The following LHFPL3 variants were observed in gnomAD, a reference collection of about 807,000 sequenced individuals.
LHFPL3 encodes the protein LHFPL tetraspan subfamily member 3.
In LHFPL3, 5 loss-of-function variants were observed where a neutral mutation model predicts 19.3. The ratio of observed to expected loss-of-function variants is 0.26; its 90% CI spans 0.14 to 0.54. LHFPL3 has a LOEUF of 0.54. Ranked by LOEUF, LHFPL3 falls within the 20% of genes least tolerant of loss-of-function variation. The probability of loss-of-function intolerance (pLI) is 0.94; values close to 1 mark genes in which losing one functional copy is unlikely to be tolerated. For missense variants in LHFPL3, 249 were observed against 307.4 expected, an observed-to-expected ratio of 0.81 and a Z score of 1.42; for synonymous variants, 133 against 126.2, an observed-to-expected ratio of 1.05 and a Z score of -0.36.
rs1374355355 is a variant in LHFPL3, at chr7:104,857,050, AT to A, written c.683-49135del. ...GCTGTATGCCAGGGTCTTTGCCTAT[AT>A]TATCTCATTTCACCCGCGTGATAAC... On this transcript the variant is annotated intron_variant, in intron 2 of 2. Transcript: ENST00000424859. Among the ~76,000 whole-genome samples the A allele has an allele frequency of 4.6e-5, 7 of 152,190 alleles. No individual in the cohort carries two copies. In the East Asian group the frequency reaches 1.3e-3, roughly 29 times the overall value.
intron 1 of LHFPL3, among the ~76,000 whole-genome samples, chr7:104,392,389 G>A: frequency 2.7e-5 from 4 of 150,542 alleles, no homozygotes; most frequent in Non-Finnish European, 3.0e-5. Context: ...AGAGTTTTTA[G>A]CATGAAGGGC....
At chr7:104,546,493 C>T (rs1794579985) in intron 1 of LHFPL3, among the ~76,000 whole-genome samples, 1 of 152,096 alleles carries the variant, frequency 6.6e-6, no homozygotes. Flanking sequence ...AAAAGACACT[C>T]AAAAGAAAGT....
chr7:104,444,492 A>G (rs544586769), intron 1 of LHFPL3, among the ~76,000 whole-genome samples: 2 of 152,330 alleles, frequency 1.3e-5, no homozygotes, highest in African/African-American at 2.4e-5. Flanking sequence ...AAAACTCTCC[A>G]TTGAAAGAGC....
rs530164478 is a variant in LHFPL3 at position 104,696,232 on chromosome 7, G to A, written c.446-40443G>A. ...CCCGGAGTGCTGGGTCTACAGGCGT[G>A]AGCCATTGCGCCCAGCCTGAATTCT... On this transcript the variant is annotated intron_variant, in intron 1 of 2. Coordinates refer to ENST00000424859, the MANE Select transcript of LHFPL3 (RefSeq NM_199000.3). Among the ~76,000 whole-genome samples the A allele has an allele frequency of 2.0e-5, 3 of 152,320 alleles. No homozygotes were observed. In the East Asian group the frequency reaches 5.8e-4, roughly 29 times the overall value.
chr7:104,871,707 G>A (rs1367597498), intron 2 of LHFPL3, among the ~76,000 whole-genome samples: 19 of 151,944 alleles, frequency 1.3e-4, no homozygotes, highest in Admixed American at 1.2e-3. Flanking sequence ...TGCCCAGGCT[G>A]GAGTGCAATG....
At chr7:104,567,833 G>A (rs1429040158) in intron 1 of LHFPL3, among the ~76,000 whole-genome samples, 2 of 152,140 alleles carry the variant, frequency 1.3e-5, no homozygotes, top group African/African-American at 4.8e-5. Context: ...CAGAACTAAT[G>A]GTCATGCCGC....
chr7:104,480,339 C>G (rs766556684), intron 1 of LHFPL3, among the ~76,000 whole-genome samples: 48 of 152,164 alleles, frequency 3.2e-4, no homozygotes, highest in Non-Finnish European at 6.6e-4. Flanking sequence ...CCCCGTCCCC[C>G]CACCGCCCAG....
chr7:104,581,978 C>A (rs1790470344), intron 1 of LHFPL3, among the ~76,000 whole-genome samples: 1 of 151,724 alleles, frequency 6.6e-6, no homozygotes. Flanking sequence ...TTTCATATAC[C>A]TTTAAAAATA....
Position 104,898,386 on chromosome 7 carries a change from A to T in LHFPL3, c.683-7801A>T, listed in dbSNP as rs1792409505. On this transcript the variant is annotated intron_variant, in intron 2 of 2. Coordinates refer to ENST00000424859, the MANE Select transcript of LHFPL3 (RefSeq NM_199000.3). ...ACACACAGTAACTAGTCCTCAAGTAAGAGGACTGGGCAGCACCATTTATTA... is the reference window on the plus strand; with the variant it reads ...ACACACAGTAACTAGTCCTCAAGTATGAGGACTGGGCAGCACCATTTATTA... Among the ~76,000 whole-genome samples, 5 of 152,296 alleles carry T rather than the reference A, an allele frequency of 3.3e-5. No homozygotes were observed. In the South Asian group the frequency reaches 1.0e-3, roughly 32 times the overall value.
intron 1 of LHFPL3, among the ~76,000 whole-genome samples, chr7:104,640,486 G>A (rs1170009375): frequency 6.6e-6 from 1 of 152,184 alleles, no homozygotes. Flanking sequence ...ATTCCATGGT[G>A]TATATGTGTC....
At chr7:104,607,094 C>T (rs536500686) in intron 1 of LHFPL3, among the ~76,000 whole-genome samples, 2 of 152,326 alleles carry the variant, frequency 1.3e-5, no homozygotes, top group African/African-American at 4.8e-5. Flanking sequence ...TACATCTTAG[C>T]GGAGTTCAGG....
intron 1 of LHFPL3, among the ~76,000 whole-genome samples, chr7:104,383,733 C>G (rs1790878760): frequency 6.6e-6 from 1 of 152,016 alleles, no homozygotes; most frequent in Non-Finnish European, 1.5e-5. Flanking sequence ...ATTGCTTATC[C>G]TTTTTTTAAA....
At chr7:104,570,921 A>G (rs1055779095) in intron 1 of LHFPL3, among the ~76,000 whole-genome samples, 3 of 152,144 alleles carry the variant, frequency 2.0e-5, no homozygotes, top group Admixed American at 6.6e-5. Flanking sequence ...CTGCTTTCCC[A>G]TCTAATAATC....
chr7:104,887,848 G>A (rs770401388), intron 2 of LHFPL3, among the ~76,000 whole-genome samples: 7 of 152,240 alleles, frequency 4.6e-5, no homozygotes, highest in African/African-American at 7.2e-5. Context: ...AATATGTTTA[G>A]AAGCAGGTCA....
intron 2 of LHFPL3, among the ~76,000 whole-genome samples, chr7:104,896,258 G>C (rs1419261298): frequency 6.6e-6 from 1 of 152,214 alleles, no homozygotes; most frequent in Non-Finnish European, 1.5e-5. Flanking sequence ...TTGTTGAGCA[G>C]CAACTATGTG....
At chr7:104,533,135 T>G (rs1794334068) in intron 1 of LHFPL3, among the ~76,000 whole-genome samples, 1 of 152,236 alleles carries the variant, frequency 6.6e-6, no homozygotes, top group African/African-American at 2.4e-5. Flanking sequence ...AAAATGTTTT[T>G]TGTAGAGAAC....
chr7:104,365,504 G>T (rs1301845122), intron 1 of LHFPL3, among the ~76,000 whole-genome samples: 5 of 151,582 alleles, frequency 3.3e-5, no homozygotes, highest in African/African-American at 1.2e-4. Context: ...AGCCTCGGCC[G>T]GGCGCGGTGG....
chr7:104,593,319 GT>G (rs1562944538), intron 1 of LHFPL3, among the ~76,000 whole-genome samples: 1 of 152,136 alleles, frequency 6.6e-6, no homozygotes, highest in African/African-American at 2.4e-5. Flanking sequence ...TCAGGAGCAG[GT>G]TGTTCAGTTT....
intron 1 of LHFPL3, among the ~76,000 whole-genome samples, chr7:104,353,050 C>A (rs944372726): frequency 9.9e-5 from 15 of 152,166 alleles, no homozygotes; most frequent in African/African-American, 3.4e-4. Context: ...CTCCCAGAGG[C>A]TCCAAAGGGG....
Sources: allele counts gnomAD v4.1 joint callset (sites outside exome capture counted in the v4.1 genomes callset), GRCh38; gene constraint gnomAD v4.1.1; transcripts MANE v1.5; gene names NCBI Gene and HGNC (gene_info 2026-07-23, HGNC 2026-07-21).